Variants in VWA2 observed in about 807,000 individuals in gnomAD.
The protein encoded by VWA2 is von Willebrand factor A domain-containing protein 2.
A neutral mutation model predicts 70.4 loss-of-function variants in VWA2; 73 were observed. The observed-to-expected ratio is 1.04, with a 90% CI of 0.86 to 1.26. VWA2 has a LOEUF of 1.26. Among genes scored for constraint, VWA2 ranks in the 50% most tolerant of loss-of-function variants. VWA2 has a pLI of 0.00. For synonymous variants in VWA2, 407 were observed against 423.3 expected, an observed-to-expected ratio of 0.96 and a Z score of 0.47; for missense variants, 1,011 against 998.5, an observed-to-expected ratio of 1.01 and a Z score of -0.17.
intron 13 of VWA2, among the ~76,000 whole-genome samples, chr10:114,290,580 C>G (rs919246406): frequency 6.6e-6 from 1 of 152,238 alleles, no homozygotes; most frequent in Non-Finnish European, 1.5e-5. Context: ...AATAAAACCT[C>G]TGCCCTCATG....
intron 2 of VWA2, among the ~76,000 whole-genome samples, chr10:114,253,420 C>A (rs2037249126): frequency 7.3e-6 from 1 of 137,888 alleles, no homozygotes; most frequent in Non-Finnish European, 1.5e-5. Context: ...TAGTTTTATT[C>A]TTTGTCTTCA....
chr10:114,264,268 A>T (rs2037511700), intron 5 of VWA2, among the ~76,000 whole-genome samples: 1 of 152,270 alleles, frequency 6.6e-6, no homozygotes, highest in Admixed American at 6.5e-5. Context: ...GCATGTATAA[A>T]CAAAATGTTG....
chr10:114,264,759 G>A (rs1268528443), intron 5 of VWA2, among the ~76,000 whole-genome samples: 3 of 151,154 alleles, frequency 2.0e-5, no homozygotes, highest in East Asian at 1.9e-4. Context: ...TCATTCTGTC[G>A]CCCTGGCTGG....
intron 4 of VWA2, among the ~76,000 whole-genome samples, chr10:114,255,594 C>G (rs1183353509): frequency 1.3e-5 from 2 of 152,220 alleles, no homozygotes; most frequent in African/African-American, 4.8e-5. Context: ...GCTAAGCAGA[C>G]TAAAGCTGTT....
In VWA2 at chr10:114,239,511, G is replaced by T. The variant is rs1208264493; in HGVS notation, c.-69G>T. 6.6e-6 allele frequency: 1 copy of T among 152,202 alleles called. No homozygotes were observed. Among genetic ancestry groups the T allele is most frequent in the Non-Finnish European group, 1.5e-5 (1 of 68,088 alleles). The allele number at this position is 152,202 out of a possible 1,614,324, so 9.4% of individuals were successfully genotyped here. A position where few individuals can be genotyped will look rare whatever the true frequency, so the allele number is the denominator to read the frequency against. On this transcript the variant is annotated 5_prime_UTR_variant, in exon 1 of 14. Coordinates refer to ENST00000392982, the MANE Select transcript of VWA2 (RefSeq NM_001272046.2). ...CGTAGCGCCCCCTGGCCCGAGCCGC[G>T]CCCGGGTCTGTGAGTAGAGCCGCCC...
rs751121019 is a variant in VWA2, at chr10:114,286,044, G to A, written c.1103G>A (p.Arg368Gln). The change falls in exon 11 of 14, where the codon CGG (arginine) becomes CAG (glutamine). Residue 368 changes from arginine (R) to glutamine (Q), a missense_variant. Arg to Gln is a conservative substitution (Grantham distance 43). Transcript: ENST00000392982. ...CTGCGGGCCAAAGTCTTCGTGAAGC[G>A]GTTTGTGCGGGCCGTGCTGAGCGAG... ...GFLRAKVFVK[R>Q]FVRAVLSEDS... 224 of 1,614,062 alleles carry A rather than the reference G, an allele frequency of 1.4e-4. No individual in the cohort carries two copies. The highest frequency in any genetic ancestry group is 2.9e-4 in the East Asian group (13 of 44,902).
Position 114,293,947 on chromosome 10 carries a change from G to C in VWA2, c.*2710G>C, listed in dbSNP as rs1313071496. 6.6e-6 allele frequency among the ~76,000 whole-genome samples: 1 copy of C among 152,014 alleles called. No homozygotes were observed. Among genetic ancestry groups the C allele is most frequent in the Non-Finnish European group, 1.5e-5 (1 of 68,008 alleles). On this transcript the variant is annotated 3_prime_UTR_variant, in exon 14 of 14. Transcript: ENST00000392982. Reference sequence around the variant, plus strand: ...TTCATCATAATAATTGTTTTCTATGGGTTACTTATCAGTTTAAGAATGCTT... The same window carrying C: ...TTCATCATAATAATTGTTTTCTATGCGTTACTTATCAGTTTAAGAATGCTT...
rs570131410 is a variant in VWA2 at position 114,278,187 on chromosome 10, G to A, written c.700+140G>A. 895 of 1,229,522 alleles carry A rather than the reference G, an allele frequency of 7.3e-4. 1 individual carries two copies. The highest frequency in any genetic ancestry group is 8.7e-4 in the Non-Finnish European group (791 of 906,576). The allele number at this position is 1,229,522 out of a possible 1,614,324, so 76.2% of individuals were successfully genotyped here. On this transcript the variant is annotated intron_variant, in intron 7 of 13. Coordinates refer to ENST00000392982, the MANE Select transcript of VWA2 (RefSeq NM_001272046.2). ...ACAGAGACCGGCAGCCTCCACCCTGGATGCTCTGCGTCTCCCTGTGCCCTG... is the reference window on the plus strand; with the variant it reads ...ACAGAGACCGGCAGCCTCCACCCTGAATGCTCTGCGTCTCCCTGTGCCCTG...
chr10:114,263,928 A>G (rs1000630942), intron 5 of VWA2, among the ~76,000 whole-genome samples: 1 of 152,366 alleles, frequency 6.6e-6, no homozygotes, highest in South Asian at 2.1e-4. Context: ...ATCATTAACT[A>G]TTAAGGAAAT....
At chr10:114,276,623 C>T (rs1055764295) in intron 6 of VWA2, among the ~76,000 whole-genome samples, 5 of 151,908 alleles carry the variant, frequency 3.3e-5, no homozygotes, top group Non-Finnish European at 5.9e-5. Flanking sequence ...CTCAGCCACC[C>T]AAGTAGCTGA....
intron 5 of VWA2, among the ~76,000 whole-genome samples, chr10:114,261,928 A>G (rs1001989271): frequency 3.9e-5 from 6 of 152,186 alleles, no homozygotes; most frequent in African/African-American, 1.2e-4. Flanking sequence ...GAAGCTTCCA[A>G]TCATGGCGGA....
chr10:114,261,328 T>A, intron 5 of VWA2, 33 bp downstream of exon 5: 1 of 1,562,920 alleles, frequency 6.4e-7, no homozygotes, highest in Non-Finnish European at 8.8e-7. Flanking sequence ...GTGGTTAGGG[T>A]GACGCCAACT....
chr10:114,262,032 G>A (rs932713530), intron 5 of VWA2, among the ~76,000 whole-genome samples: 1 of 152,118 alleles, frequency 6.6e-6, no homozygotes, highest in Non-Finnish European at 1.5e-5. Flanking sequence ...CAGATCTTAT[G>A]TGAACTCACT....
At chr10:114,269,568 G>A (rs982012138) in intron 5 of VWA2, among the ~76,000 whole-genome samples, 2 of 152,164 alleles carry the variant, frequency 1.3e-5, no homozygotes, top group Non-Finnish European at 1.5e-5. Flanking sequence ...GTGACAGAGT[G>A]AGACTCTGTC....
intron 2 of VWA2, among the ~76,000 whole-genome samples, chr10:114,251,234 G>A (rs1330869656): frequency 6.6e-6 from 1 of 152,272 alleles, no homozygotes; most frequent in Non-Finnish European, 1.5e-5. Context: ...CGACTTGGTT[G>A]GAAAAAGCAA....
chr10:114,243,021 T>C (rs2037001422), intron 1 of VWA2, among the ~76,000 whole-genome samples: 1 of 152,204 alleles, frequency 6.6e-6, no homozygotes, highest in African/African-American at 2.4e-5. Context: ...GAATCCTGTC[T>C]CTGGACTTTG....
chr10:114,288,657 T>C (rs1275403582), intron 11 of VWA2, among the ~76,000 whole-genome samples: 2 of 152,198 alleles, frequency 1.3e-5, no homozygotes, highest in East Asian at 3.9e-4. Flanking sequence ...TCCAGCTGCA[T>C]GAGTTTGAAA....
intron 5 of VWA2, among the ~76,000 whole-genome samples, chr10:114,263,474 C>T (rs2037490188): frequency 6.6e-6 from 1 of 151,794 alleles, no homozygotes; most frequent in Non-Finnish European, 1.5e-5. Flanking sequence ...GTAGCTGGGA[C>T]TACAGGAGCC....
intron 3 of VWA2, among the ~76,000 whole-genome samples, chr10:114,254,667 G>T (rs1330893006): frequency 6.6e-6 from 1 of 152,158 alleles, no homozygotes; most frequent in Non-Finnish European, 1.5e-5. Context: ...GAACGTAATT[G>T]ATATTGTTGA....
Sources: gnomAD v4.1 joint callset for allele counts (sites outside exome capture counted in the v4.1 genomes callset) on GRCh38, gnomAD v4.1.1 for gene constraint, MANE v1.5 for transcripts, NCBI Gene and HGNC (gene_info 2026-07-23, HGNC 2026-07-21) for gene names.